PRKAR1A: variants seen among roughly 807,000 people sequenced by gnomAD.
PRKAR1A encodes cAMP-dependent protein kinase type I-alpha regulatory subunit.
PRKAR1A carries 3 observed loss-of-function variants against 52.0 expected under a neutral mutation model. The observed-to-expected ratio is 0.06, with a 90% CI of 0.03 to 0.15. The LOEUF (loss-of-function observed/expected upper bound fraction) is 0.15. Among genes scored for constraint, PRKAR1A ranks in the 10% least tolerant of loss-of-function variants. The probability of loss-of-function intolerance (pLI) is 1.00; values close to 1 mark genes in which losing one functional copy is unlikely to be tolerated. For missense variants in PRKAR1A, 240 were observed against 477.4 expected (o/e 0.50, Z 4.63); for synonymous variants, 188 against 168.4 (o/e 1.12, Z -0.90).
In PRKAR1A at chr17:68,550,396, T is replaced by TTTTTA. The variant is rs1491307289; in HGVS notation, c.974-688_974-687insTTTTA. ...TTTTTTTTTTTTTTTTTTTTTTTTT[T>TTTTTA]AAGATAGAGAGTCTCCCTCTGTTGC... On this transcript the variant is annotated intron_variant, in intron 11 of 11. Transcript: ENST00000585981. 5.1e-5 allele frequency among the ~76,000 whole-genome samples: 7 copies of TTTTTA among 137,970 alleles called. No individual in the cohort carries two copies. In the East Asian group the frequency reaches 1.3e-3, roughly 25 times the overall value. 90.5% of individuals were successfully genotyped at this position (137,970 alleles called of 152,430 possible).
chr17:68,449,578 G>C, the PRKAR1A span, among the ~76,000 whole-genome samples: 1 of 152,322 alleles, frequency 6.6e-6, no homozygotes, highest in South Asian at 2.1e-4. Flanking sequence ...GAGTGAGTGA[G>C]TTCTCACGAG....
At chr17:68,470,748 T>C in the PRKAR1A span, among the ~76,000 whole-genome samples, 3 of 152,190 alleles carry the variant, frequency 2.0e-5, no homozygotes, top group African/African-American at 7.2e-5. Context: ...CACTGTGTGC[T>C]CTATATTTTC....
intron 2 of PRKAR1A, among the ~76,000 whole-genome samples, chr17:68,518,070 G>A (rs2085487652): frequency 6.6e-6 from 1 of 152,242 alleles, no homozygotes; most frequent in Non-Finnish European, 1.5e-5. Flanking sequence ...GATGCAAGAG[G>A]TGGGCTCCCG....
At chr17:68,524,118 A>C (rs2085707360) in intron 5 of PRKAR1A, 41 bp downstream of exon 5, 2 of 1,601,188 alleles carry the variant, frequency 1.2e-6, no homozygotes, top group Non-Finnish European at 1.7e-6. Context: ...ACGGGAGAGG[A>C]GGCGAGACTA....
At chr17:68,470,240 C>T in the PRKAR1A span, among the ~76,000 whole-genome samples, 1 of 152,130 alleles carries the variant, frequency 6.6e-6, no homozygotes, top group Non-Finnish European at 1.5e-5. Context: ...TGCCACCGCA[C>T]CTGACTAATT....
intron 11 of PRKAR1A, among the ~76,000 whole-genome samples, chr17:68,544,954 A>G (rs2143547673): frequency 6.6e-6 from 1 of 152,354 alleles, no homozygotes. Context: ...TCATACTTTG[A>G]GAAGCACTAA....
At chr17:68,482,984 G>GT in the PRKAR1A span, among the ~76,000 whole-genome samples, 188 of 152,260 alleles carry the variant, frequency 1.2e-3, 2 homozygotes, top group Middle Eastern at 0.024. Context: ...CAATTTATCA[G>GT]TTTTTTTGAA....
chr17:68,488,701 G>A, the PRKAR1A span, among the ~76,000 whole-genome samples: 1 of 143,486 alleles, frequency 7.0e-6, no homozygotes, highest in African/African-American at 2.6e-5. Context: ...CTGCACTCCA[G>A]CCAGGGCAAC....
At chr17:68,454,647 C>T in the PRKAR1A span, among the ~76,000 whole-genome samples, 5 of 152,190 alleles carry the variant, frequency 3.3e-5, no homozygotes, top group Admixed American at 6.5e-5. Flanking sequence ...CCCAGAGCAT[C>T]TTAAAACTTC....
the PRKAR1A span, among the ~76,000 whole-genome samples, chr17:68,481,061 C>G: frequency 6.6e-6 from 1 of 152,216 alleles, no homozygotes; most frequent in Non-Finnish European, 1.5e-5. Flanking sequence ...GTTATAGCAA[C>G]AGCTCACCCT....
At chr17:68,466,005 A>C in the PRKAR1A span, among the ~76,000 whole-genome samples, 5 of 152,108 alleles carry the variant, frequency 3.3e-5, no homozygotes. Flanking sequence ...ACATGAGGGA[A>C]CTGGGAGAGG....
the PRKAR1A span, among the ~76,000 whole-genome samples, chr17:68,457,934 A>G: frequency 6.6e-6 from 1 of 152,150 alleles, no homozygotes; most frequent in Non-Finnish European, 1.5e-5. Context: ...TGCTGGTTTC[A>G]GTCCGGCAAC....
the PRKAR1A span, chr17:68,436,533 C>G: frequency 6.4e-7 from 1 of 1,551,286 alleles, no homozygotes; most frequent in South Asian, 1.1e-5. Context: ...AGAGATTGCA[C>G]GGCTGGAGAG....
intron 1 of PRKAR1A, chr17:68,512,779 CA>C (rs2085301090): frequency 6.6e-6 from 1 of 152,052 alleles, no homozygotes. Flanking sequence ...CGGGGCTCCC[CA>C]GCCGCCCCGC....
chr17:68,459,586 A>G, the PRKAR1A span, among the ~76,000 whole-genome samples: 1 of 152,214 alleles, frequency 6.6e-6, no homozygotes, highest in Non-Finnish European at 1.5e-5. Context: ...GACAGGAGAG[A>G]CTAGGCTAAA....
chr17:68,518,678 C>T (rs2085507395), intron 2 of PRKAR1A, among the ~76,000 whole-genome samples: 1 of 152,142 alleles, frequency 6.6e-6, no homozygotes, highest in Admixed American at 6.5e-5. Flanking sequence ...AGGTCTGTGA[C>T]ATGCCCTGGA....
chr17:68,520,932 GTTTTA>G (rs1334884226), intron 2 of PRKAR1A, among the ~76,000 whole-genome samples: 3 of 152,022 alleles, frequency 2.0e-5, no homozygotes, highest in Non-Finnish European at 4.4e-5. Flanking sequence ...CTGTGTGTGT[GTTTTA>G]TTTTATTTTT....
chr17:68,536,532 C>G (rs1271179435), downstream of PRKAR1A: 3 of 453,990 alleles, frequency 6.6e-6, no homozygotes, highest in South Asian at 1.6e-5. Flanking sequence ...CCAGCCGTCA[C>G]AGGGAGGGGC....
At position 68,547,887 on chromosome 17, in the gene PRKAR1A, TTGGCTTTCAACGTGCCTTCCTTAC is replaced by T. The variant is rs752902775; in HGVS notation, c.974-3195_974-3172del. Among the ~76,000 whole-genome samples the T allele has an allele frequency of 6.1e-4, 93 of 152,386 alleles. 1 individual carries two copies. The highest frequency in any genetic ancestry group is 3.4e-3 in the Middle Eastern group (1 of 294). Reference sequence around the variant, plus strand: ...CACAAAAAGCTTAGCTTTTGGCTTATTGGCTTTCAACGTGCCTTCCTTACTAGCCTCCTGAATAATTTCTCGCTT... The same window carrying T: ...CACAAAAAGCTTAGCTTTTGGCTTATTAGCCTCCTGAATAATTTCTCGCTT... On this transcript the variant is annotated intron_variant, in intron 11 of 11. Coordinates refer to the PRKAR1A transcript ENST00000585981.
Sources: gnomAD v4.1 joint callset for allele counts (sites outside exome capture counted in the v4.1 genomes callset) on GRCh38, gnomAD v4.1.1 for gene constraint, MANE v1.5 for transcripts, NCBI Gene and HGNC (gene_info 2026-07-23, HGNC 2026-07-21) for gene names.